Variants in COMMD5 observed in about 807,000 individuals in gnomAD.
COMMD5 encodes the protein COMM domain containing 5.
A neutral mutation model predicts 6.9 loss-of-function variants in COMMD5; 10 were observed. The observed-to-expected ratio is 1.44, with a 90% confidence interval of 0.89 to 2.45. The LOEUF (loss-of-function observed/expected upper bound fraction) is 2.45. Among genes scored for constraint, COMMD5 ranks in the 30% most tolerant of loss-of-function variants. COMMD5 has a pLI of 0.00. For synonymous variants in COMMD5, 127 were observed against 125.3 expected, an observed-to-expected ratio of 1.01 and a Z score of -0.09; for missense variants, 234 against 287.8, an observed-to-expected ratio of 0.81 and a Z score of 1.35.
chr8:144,849,408 G>C (rs1247882963), downstream of COMMD5, among the ~76,000 whole-genome samples: 1 of 152,140 alleles, frequency 6.6e-6, no homozygotes, highest in Non-Finnish European at 1.5e-5. Flanking sequence ...GTACTCCTCT[G>C]TACCCTGACA....
At chr8:144,843,301 A>G in intron 1 of COMMD5, 1 of 1,175,654 alleles carries the variant, frequency 8.5e-7, no homozygotes. Context: ...AAGAATATCC[A>G]ACTTCAGGCC....
chr8:144,844,018 G>A (rs532362582), intron 1 of COMMD5, among the ~76,000 whole-genome samples: 2 of 152,272 alleles, frequency 1.3e-5, no homozygotes, highest in African/African-American at 4.8e-5. Context: ...ATCATTACTG[G>A]TGTGGTTGGC....
At chr8:144,845,940 T>G, downstream of COMMD5, 1 of 1,530,308 alleles carries the variant, frequency 6.5e-7, no homozygotes, top group Non-Finnish European at 8.7e-7. Flanking sequence ...CACCTTCAGG[T>G]CTAGCACAGG....
At chr8:144,848,020 C>G (rs574224731), downstream of COMMD5, among the ~76,000 whole-genome samples, 154 of 151,992 alleles carry the variant, frequency 1.0e-3, no homozygotes, top group African/African-American at 3.6e-3. Flanking sequence ...AATGGTTTTT[C>G]AATGGAAAAA....
Position 144,850,619 on chromosome 8 carries a change from G to A in COMMD5, c.*45C>T, listed in dbSNP as rs1285860359. On this transcript the variant is annotated 3_prime_UTR_variant, in exon 2 of 2. Coordinates refer to ENST00000305103, the MANE Select transcript of COMMD5 (RefSeq NM_014066.4). This position sits in a 1 kb window ranked among gnomAD's most constrained non-coding sequence, Gnocchi z 4.0. ...CAGCTGCACTTTGGCACCATCTCAG[G>A]TGCCTGTCCAAGCCGGATCTGAATG... The A allele has an allele frequency of 6.3e-7, 1 of 1,576,106 alleles. No individual in the cohort carries two copies. The highest frequency in any genetic ancestry group is 8.6e-7 in the Non-Finnish European group (1 of 1,156,832).
At chr8:144,840,895 G>A (rs1829807805), downstream of COMMD5, 1 of 157,242 alleles carries the variant, frequency 6.4e-6, no homozygotes, top group African/African-American at 2.4e-5. Flanking sequence ...TAAGTCCCTT[G>A]GCAGCTCTTC....
downstream of COMMD5, chr8:144,838,228 T>A (rs1586816759): frequency 1.5e-6 from 1 of 680,200 alleles, no homozygotes; most frequent in East Asian, 2.7e-5. Context: ...GCCATCTCCT[T>A]AGAAGGACAC....
chr8:144,843,324 T>C lies in COMMD5; in HGVS notation c.*117-1581A>G, dbSNP rs190780755. On this transcript the variant is annotated intron_variant and NMD_transcript_variant, in intron 1 of 1. Transcript: ENST00000530332. ...CCAACTTCAGGCCGAGTGTGGTGGC[T>C]TATGCCTGTCATCCCAGCACTTTGG... 1.8e-4 allele frequency: 176 copies of C among 974,500 alleles called. No homozygotes were observed. In the African/African-American group the frequency reaches 2.7e-3, roughly 15 times the overall value. The allele number at this position is 974,500 out of a possible 1,614,324, so 60.4% of individuals were successfully genotyped here.
rs146760497 is a variant in COMMD5 at position 144,842,328 on chromosome 8, C to T, written c.*117-585G>A. ...GCCTTGTTGCACATCAGAGAATTCA[C>T]GCTGTAGAGAAACCATTTAAGTGTG... On this transcript the variant is annotated intron_variant and NMD_transcript_variant, in intron 1 of 1. Transcript: ENST00000530332. 333 of 1,613,976 alleles carry T rather than the reference C, an allele frequency of 2.1e-4. 5 individuals are homozygous for T. In the East Asian group the frequency reaches 5.3e-3, roughly 26 times the overall value.
chr8:144,842,332 G>A, intron 1 of COMMD5: 1 of 1,614,006 alleles, frequency 6.2e-7, no homozygotes, highest in Non-Finnish European at 8.5e-7. Context: ...AATTCACGCT[G>A]TAGAGAAACC....
chr8:144,843,328 G>A lies in COMMD5; in HGVS notation c.*117-1585C>T, dbSNP rs181667513. The A allele has an allele frequency of 2.4e-4, 207 of 872,020 alleles. No individual in the cohort carries two copies. In the African/African-American group the frequency reaches 2.9e-3, roughly 12 times the overall value. The allele number at this position is 872,020 out of a possible 1,614,324, so 54.0% of individuals were successfully genotyped here. A position where few individuals can be genotyped will look rare whatever the true frequency, so the allele number is the denominator to read the frequency against. ...CTTCAGGCCGAGTGTGGTGGCTTATGCCTGTCATCCCAGCACTTTGGGAGG... is the reference window on the plus strand; with the variant it reads ...CTTCAGGCCGAGTGTGGTGGCTTATACCTGTCATCCCAGCACTTTGGGAGG... On this transcript the variant is annotated intron_variant and NMD_transcript_variant, in intron 1 of 1. Coordinates refer to the COMMD5 transcript ENST00000530332.
downstream of COMMD5, chr8:144,847,420 G>A (rs1054262213): frequency 1.3e-5 from 2 of 152,180 alleles, no homozygotes; most frequent in African/African-American, 2.4e-5. Flanking sequence ...TCTAGCCTGG[G>A]TGACAGAGTG....
chr8:144,840,108 CTCTTA>C (rs1829682874), downstream of COMMD5, among the ~76,000 whole-genome samples: 1 of 152,210 alleles, frequency 6.6e-6, no homozygotes, highest in African/African-American at 2.4e-5. Context: ...CCACCCTGCT[CTCTTA>C]TCTTCACAGC....
At position 144,850,967 on chromosome 8, in the gene COMMD5, C is replaced by T; in HGVS notation, c.372G>A (p.Gly124=). The part of the protein sequence containing the change: ...QELCIPQDLV[G]DLASVVFGSQ... ...TCCCAAATACCACGCTGGCCAAGTC[C>T]CCGACCAGGTCTTGGGGGATGCAGA... is the stretch of plus-strand genomic sequence containing the variant. Residue 124 remains glycine, a synonymous_variant, in exon 2 of 2, where the codon GGG becomes GGA. Transcript: ENST00000305103. This position sits in a 1 kb window ranked among gnomAD's most constrained non-coding sequence, Gnocchi z 4.0. The T allele has an allele frequency of 6.2e-7, 1 of 1,610,768 alleles. No individual in the cohort carries two copies. The highest frequency in any genetic ancestry group is 8.5e-7 in the Non-Finnish European group (1 of 1,179,072).
chr8:144,846,249 G>T (rs1315107257), downstream of COMMD5: 14 of 1,448,060 alleles, frequency 9.7e-6, no homozygotes, highest in Non-Finnish European at 1.3e-5. Context: ...AAAAGGGGCT[G>T]GGGTGCAAGC....
At chr8:144,848,974 G>C (rs745428367), downstream of COMMD5, among the ~76,000 whole-genome samples, 1 of 152,222 alleles carries the variant, frequency 6.6e-6, no homozygotes, top group Non-Finnish European at 1.5e-5. Context: ...AGGGTTCACA[G>C]ATGAATTGAG....
downstream of COMMD5, among the ~76,000 whole-genome samples, chr8:144,840,550 A>C (rs1256276369): frequency 6.6e-6 from 1 of 152,194 alleles, no homozygotes; most frequent in Non-Finnish European, 1.5e-5. Flanking sequence ...TGGTTTGATC[A>C]CAGACATCAA....
downstream of COMMD5, among the ~76,000 whole-genome samples, chr8:144,839,319 T>A (rs1359857627): frequency 6.6e-6 from 1 of 152,260 alleles, no homozygotes; most frequent in Non-Finnish European, 1.5e-5. Context: ...CCAGGAAGTC[T>A]GCATGTGATG....
chr8:144,849,756 G>A (rs143661863), downstream of COMMD5, among the ~76,000 whole-genome samples: 61 of 151,702 alleles, frequency 4.0e-4, no homozygotes, highest in African/African-American at 1.5e-3. Context: ...ACTCCACCCT[G>A]GTGACAGCCT....
Sources: allele counts gnomAD v4.1 joint callset (sites outside exome capture counted in the v4.1 genomes callset), GRCh38; gene constraint gnomAD v4.1.1; non-coding constraint Gnocchi (gnomAD v3.1); transcripts MANE v1.5; gene names NCBI Gene and HGNC (gene_info 2026-07-23, HGNC 2026-07-21).